RAB22A: variants seen among roughly 807,000 people sequenced by gnomAD.
RAB22A encodes RAB22A, member RAS oncogene family.
RAB22A carries 13 observed loss-of-function variants against 30.2 expected under a neutral mutation model. The observed-to-expected ratio is 0.43, with a 90% CI of 0.28 to 0.68. RAB22A has a LOEUF of 0.68. RAB22A is among the 30% of genes least tolerant of loss of function. RAB22A has a pLI of 0.18. For missense variants in RAB22A, 177 were observed against 246.8 expected (o/e 0.72, Z 1.89); for synonymous variants, 89 against 87.2 (o/e 1.02, Z -0.11).
At chr20:58,355,155 T>C (rs1256312322) in intron 6 of RAB22A, among the ~76,000 whole-genome samples, 1 of 152,096 alleles carries the variant, frequency 6.6e-6, no homozygotes, top group African/African-American at 2.4e-5. Context: ...AGATCCACCA[T>C]GTGGTTGAGA....
At chr20:58,359,478 A>G (rs1987187893) in intron 6 of RAB22A, 128 bp from the exon 7 acceptor site, 1 of 614,564 alleles carries the variant, frequency 1.6e-6, no homozygotes. Flanking sequence ...TTATTCGAGT[A>G]TAAAAAGTTT....
At chr20:58,349,145 G>T (rs936185512) in intron 3 of RAB22A, among the ~76,000 whole-genome samples, 1 of 151,938 alleles carries the variant, frequency 6.6e-6, no homozygotes, top group African/African-American at 2.4e-5. Context: ...AATAGCGAGT[G>T]GCTTGCCCTC....
At chr20:58,351,630 A>G (rs1325032545) in intron 3 of RAB22A, among the ~76,000 whole-genome samples, 1 of 152,332 alleles carries the variant, frequency 6.6e-6, no homozygotes, top group Non-Finnish European at 1.5e-5. Flanking sequence ...ACTGACCAAC[A>G]TGGAGAAACC....
At chr20:58,346,121 T>C (rs773896625) in intron 3 of RAB22A, 3 of 152,466 alleles carry the variant, frequency 2.0e-5, no homozygotes, top group Non-Finnish European at 4.4e-5. Flanking sequence ...GTATCGCAAA[T>C]AGGTTCACTT....
chr20:58,349,787 A>T (rs1234067020), intron 3 of RAB22A, among the ~76,000 whole-genome samples: 1 of 152,182 alleles, frequency 6.6e-6, no homozygotes, highest in Admixed American at 6.5e-5. Context: ...TTCAGAGAAG[A>T]AAAAAACCAA....
At chr20:58,343,854 C>T in intron 3 of RAB22A, 55 bp downstream of exon 3, 1 of 1,364,368 alleles carries the variant, frequency 7.3e-7, no homozygotes, top group Non-Finnish European at 1.0e-6. Context: ...AAAGTTCCAA[C>T]TAAACTGTCA....
At position 58,313,706 on chromosome 20, in the gene RAB22A, A is replaced by G. The variant is rs1986276553; in HGVS notation, c.116+2584A>G. On this transcript the variant is annotated intron_variant, in intron 2 of 6. Coordinates refer to ENST00000244040, the MANE Select transcript of RAB22A (RefSeq NM_020673.3). ...TTTCTTGGTAGTTTTCTTTATTCATAGAGTGCCTGCTATATGCCAGGTGCT... is the reference window on the plus strand; with the variant it reads ...TTTCTTGGTAGTTTTCTTTATTCATGGAGTGCCTGCTATATGCCAGGTGCT... Among the ~76,000 whole-genome samples, 3 of 152,160 alleles carry G rather than the reference A, an allele frequency of 2.0e-5. No individual in the cohort carries two copies. In the South Asian group the frequency reaches 6.2e-4, roughly 32 times the overall value.
At chr20:58,317,760 A>G (rs1188621381) in intron 2 of RAB22A, among the ~76,000 whole-genome samples, 2 of 151,534 alleles carry the variant, frequency 1.3e-5, no homozygotes, top group East Asian at 2.0e-4. Context: ...GGGTTTCACC[A>G]TGGTCTTGAT....
chr20:58,357,026 A>G (rs139045530), intron 6 of RAB22A, among the ~76,000 whole-genome samples: 174 of 152,302 alleles, frequency 1.1e-3, no homozygotes, highest in African/African-American at 4.0e-3. Flanking sequence ...TTTGTTAGGT[A>G]TATTTATACC....
At position 58,366,763 on chromosome 20, in the gene RAB22A, T is replaced by G. The variant is rs1369166393; in HGVS notation, c.*7060T>G. On this transcript the variant is annotated 3_prime_UTR_variant, in exon 7 of 7. Transcript: ENST00000244040. ...GCCAGTTAACAAAATGGGTTTTGGT[T>G]TTTTGTTTTGTTTTGTTTTACCATT... The G allele has an allele frequency of 6.6e-6, 1 of 152,252 alleles. No individual in the cohort carries two copies. The highest frequency in any genetic ancestry group is 1.5e-5 in the Non-Finnish European group (1 of 68,042). The allele number at this position is 152,252 out of a possible 1,614,324, so 9.4% of individuals were successfully genotyped here. A position where few individuals can be genotyped will look rare whatever the true frequency, so the allele number is the denominator to read the frequency against.
chr20:58,354,543 A>G (rs1987103207), intron 6 of RAB22A, among the ~76,000 whole-genome samples: 1 of 152,194 alleles, frequency 6.6e-6, no homozygotes, highest in Non-Finnish European at 1.5e-5. Flanking sequence ...CTATTTAAAT[A>G]TGTTTCTGTT....
chr20:58,324,305 G>GT (rs11356470), intron 2 of RAB22A, among the ~76,000 whole-genome samples: 60 of 148,260 alleles, frequency 4.0e-4, no homozygotes, highest in Middle Eastern at 3.6e-3. Context: ...ATACATTGGG[G>GT]TTTTTTTTTT....
chr20:58,334,207 T>G (rs965772809), intron 2 of RAB22A, among the ~76,000 whole-genome samples: 2 of 151,776 alleles, frequency 1.3e-5, no homozygotes, highest in African/African-American at 2.4e-5. Flanking sequence ...TGGTGGCGGG[T>G]GCCTGTAATC....
intron 2 of RAB22A, among the ~76,000 whole-genome samples, chr20:58,334,731 CT>C (rs11475299): frequency 0.22 from 29,556 of 134,320 alleles, 3,640 homozygotes; most frequent in African/African-American, 0.4. Flanking sequence ...CAACTTTGTA[CT>C]TTTTTTTTTT....
intron 2 of RAB22A, among the ~76,000 whole-genome samples, chr20:58,328,336 C>T (rs1986603790): frequency 6.6e-6 from 1 of 152,092 alleles, no homozygotes; most frequent in Non-Finnish European, 1.5e-5. Context: ...TGCACACCAA[C>T]ACACATGGCT....
At position 58,359,772 on chromosome 20, in the gene RAB22A, C is replaced by G; in HGVS notation, c.*69C>G. On this transcript the variant is annotated 3_prime_UTR_variant, in exon 7 of 7. Transcript: ENST00000244040. ...TGAAAGTTAACAGGAGGGCTGGGGT[C>G]CCTGCCACCAGTTTTCACCTAGCCA... The G allele has an allele frequency of 7.1e-7, 1 of 1,410,136 alleles. No homozygotes were observed. The highest frequency in any genetic ancestry group is 2.1e-4 in the Middle Eastern group (1 of 4,798). The allele number at this position is 1,410,136 out of a possible 1,614,324, so 87.4% of individuals were successfully genotyped here. A position where few individuals can be genotyped will look rare whatever the true frequency, so the allele number is the denominator to read the frequency against.
At chr20:58,311,294 GA>G (rs2122917201) in intron 2 of RAB22A, among the ~76,000 whole-genome samples, 172 bp downstream of exon 2, 1 of 152,294 alleles carries the variant, frequency 6.6e-6, no homozygotes, top group South Asian at 2.1e-4. Flanking sequence ...TGTATTTTAG[GA>G]AAATTATCTT....
chr20:58,347,082 T>C (rs1030035255), intron 3 of RAB22A, among the ~76,000 whole-genome samples: 1 of 152,200 alleles, frequency 6.6e-6, no homozygotes, highest in Middle Eastern at 3.2e-3. Context: ...AAATTATAAA[T>C]TTCTGTTGTT....
Position 58,310,003 on chromosome 20 carries a change from T to A in RAB22A, c.27T>A (p.Cys9Ter). Residue 9 changes from cysteine (C) to a stop codon, truncating the protein, a stop_gained, in exon 1 of 7, where the codon TGT becomes TGA. Coordinates refer to ENST00000244040, the MANE Select transcript of RAB22A (RefSeq NM_020673.3). LOFTEE classifies it high-confidence loss of function. Reference protein sequence around the residue: MALRELKVCLLGDTGVGKS... With the variant: MALRELKV ...TGGCGCTGAGGGAGCTCAAAGTGTG[T>A]CTGCTCGGGGTGAGTGGCGGCGGGT... is the stretch of plus-strand genomic sequence containing the variant. The A allele has an allele frequency of 7.8e-7, 1 of 1,285,452 alleles. No individual in the cohort carries two copies. Among genetic ancestry groups the A allele is most frequent in the South Asian group, 3.0e-5 (1 of 33,236 alleles). The allele number at this position is 1,285,452 out of a possible 1,614,324, so 79.6% of individuals were successfully genotyped here.
Sources: allele counts gnomAD v4.1 joint callset (sites outside exome capture counted in the v4.1 genomes callset), GRCh38; gene constraint gnomAD v4.1.1; transcripts MANE v1.5; gene names NCBI Gene and HGNC (gene_info 2026-07-23, HGNC 2026-07-21).